RTN1: variants seen among roughly 807,000 people sequenced by gnomAD.
RTN1 encodes the protein reticulon 1, also known as reticulon-1.
In RTN1, 25 loss-of-function variants were observed where a neutral mutation model predicts 65.5. The ratio of observed to expected loss-of-function variants is 0.38; its 90% confidence interval spans 0.28 to 0.53. RTN1 has a LOEUF of 0.53. Ranked by LOEUF, RTN1 falls within the 20% of genes least tolerant of loss-of-function variation. RTN1 has a pLI of 0.79. For synonymous variants in RTN1, 471 were observed against 447.6 expected (o/e 1.05, Z -0.66); for missense variants, 983 against 1,025.4 (o/e 0.96, Z 0.57).
chr14:59,633,231 G>A (rs1882593415), intron 3 of RTN1, among the ~76,000 whole-genome samples: 1 of 152,252 alleles, frequency 6.6e-6, no homozygotes, highest in African/African-American at 2.4e-5. Flanking sequence ...GGTTGAGGAA[G>A]TAAGATGGCT....
At chr14:59,669,004 G>T (rs1883441916) in intron 3 of RTN1, among the ~76,000 whole-genome samples, 1 of 152,172 alleles carries the variant, frequency 6.6e-6, no homozygotes, top group African/African-American at 2.4e-5. Flanking sequence ...TACACTCTTG[G>T]TGGGAGTGTA....
intron 1 of RTN1, among the ~76,000 whole-genome samples, chr14:59,823,275 C>T (rs188878899): frequency 0.012 from 1,842 of 148,652 alleles, 34 homozygotes; most frequent in African/African-American, 0.042. Flanking sequence ...TCCTTGTCCC[C>T]TTTTTTTTTT....
intron 1 of RTN1, among the ~76,000 whole-genome samples, chr14:59,839,216 C>T (rs1887267474): frequency 6.6e-6 from 1 of 151,974 alleles, no homozygotes; most frequent in Non-Finnish European, 1.5e-5. Flanking sequence ...TTTTCATGTT[C>T]CTAACAAATA....
chr14:59,743,744 T>C (rs1313128516), intron 2 of RTN1, among the ~76,000 whole-genome samples: 1 of 151,956 alleles, frequency 6.6e-6, no homozygotes, highest in African/African-American at 2.4e-5. Context: ...CCTGTTCCTC[T>C]GAGAGTCACC....
rs1887014303 is a variant in RTN1, at chr14:59,825,441, C to T, written c.241+44949G>A. Among the ~76,000 whole-genome samples, 1 of 152,204 alleles carries T rather than the reference C, an allele frequency of 6.6e-6. No individual in the cohort carries two copies. The highest frequency in any genetic ancestry group is 6.5e-5 in the Admixed American group (1 of 15,282). On this transcript the variant is annotated intron_variant, in intron 1 of 8. Coordinates refer to ENST00000267484, the MANE Select transcript of RTN1 (RefSeq NM_021136.3). The surrounding 1 kb of genome is among the most constrained non-coding windows in gnomAD (Gnocchi z 4.2). ...AAATGCTCTGATTCAGGGAAAGTTG[C>T]TATAAAATAGTTTTAAAAATAGTTA...
chr14:59,640,023 G>A (rs925060815), intron 3 of RTN1, among the ~76,000 whole-genome samples: 1 of 152,064 alleles, frequency 6.6e-6, no homozygotes, highest in Non-Finnish European at 1.5e-5. Context: ...TCTTGTGATA[G>A]CTTAGATTTT....
At chr14:59,754,909 C>A (rs997238076) in intron 1 of RTN1, among the ~76,000 whole-genome samples, 5 of 152,082 alleles carry the variant, frequency 3.3e-5, no homozygotes, top group Admixed American at 2.0e-4. Context: ...GAGCAGGTGG[C>A]GGTTCATTAC....
At chr14:59,786,136 A>G (rs1205530975) in intron 1 of RTN1, among the ~76,000 whole-genome samples, 3 of 152,228 alleles carry the variant, frequency 2.0e-5, no homozygotes, top group Admixed American at 1.3e-4. Context: ...GGCAGCATAG[A>G]GTAGAAGGAG....
At chr14:59,862,013 C>T (rs545100448) in intron 1 of RTN1, among the ~76,000 whole-genome samples, 75 of 152,246 alleles carry the variant, frequency 4.9e-4, no homozygotes, top group African/African-American at 1.5e-3. Flanking sequence ...CTGAGACTTT[C>T]TATTAATACT....
At chr14:59,826,687 T>C (rs1244428002) in intron 1 of RTN1, among the ~76,000 whole-genome samples, 1 of 152,094 alleles carries the variant, frequency 6.6e-6, no homozygotes, top group Admixed American at 6.5e-5. Context: ...ATGAAGAAAA[T>C]ATAGTGTTTC....
In RTN1 at chr14:59,803,011, A is replaced by G. The variant is rs1425093399; in HGVS notation, c.242-56530T>C. 6.6e-6 allele frequency among the ~76,000 whole-genome samples: 1 copy of G among 151,940 alleles called. No individual in the cohort carries two copies. The highest frequency in any genetic ancestry group is 1.5e-5 in the Non-Finnish European group (1 of 67,960). On this transcript the variant is annotated intron_variant, in intron 1 of 8. Coordinates refer to ENST00000267484, the MANE Select transcript of RTN1 (RefSeq NM_021136.3). The surrounding 1 kb of genome is among the most constrained non-coding windows in gnomAD (Gnocchi z 5.6). ...GCTTTCACTGAAAAAAAAAAACCCT[A>G]CACAACAATCCACCATCCTCTTGGT... is the stretch of plus-strand genomic sequence containing the variant.
intron 3 of RTN1, among the ~76,000 whole-genome samples, chr14:59,616,860 T>C (rs575042026): frequency 6.6e-6 from 1 of 152,340 alleles, no homozygotes; most frequent in East Asian, 1.9e-4. Context: ...GCTAATGTGT[T>C]AAACATTGCT....
intron 3 of RTN1, among the ~76,000 whole-genome samples, chr14:59,615,158 C>T (rs1184817452): frequency 6.6e-6 from 1 of 152,054 alleles, no homozygotes; most frequent in Non-Finnish European, 1.5e-5. Context: ...TAGGTTAAAA[C>T]ATTAAAAGCG....
At chr14:59,827,235 C>T (rs867097157) in intron 1 of RTN1, among the ~76,000 whole-genome samples, 3 of 152,124 alleles carry the variant, frequency 2.0e-5, no homozygotes, top group Non-Finnish European at 4.4e-5. Context: ...CCCGCCACCA[C>T]GCCTGGCTAA....
intron 2 of RTN1, among the ~76,000 whole-genome samples, chr14:59,732,173 A>T (rs979604220): frequency 6.6e-6 from 1 of 152,256 alleles, no homozygotes; most frequent in African/African-American, 2.4e-5. Flanking sequence ...TGCTCAAAGA[A>T]GGACAAAGTC....
intron 1 of RTN1, among the ~76,000 whole-genome samples, chr14:59,800,196 C>T (rs1886514439): frequency 6.6e-6 from 1 of 152,068 alleles, no homozygotes. Context: ...GCCTGTGAGG[C>T]AATGAAGGTA....
chr14:59,689,540 T>C (rs1235699470), intron 3 of RTN1, among the ~76,000 whole-genome samples: 1 of 151,830 alleles, frequency 6.6e-6, no homozygotes, highest in Non-Finnish European at 1.5e-5. Context: ...AAAGAAAAAA[T>C]CTTAAAGCCA....
chr14:59,772,679 G>A (rs1885981274), intron 1 of RTN1, among the ~76,000 whole-genome samples: 1 of 152,098 alleles, frequency 6.6e-6, no homozygotes. Flanking sequence ...AGCCTGGGCT[G>A]TAGAAAACAC....
chr14:59,839,334 C>A (rs1255346860), intron 1 of RTN1, among the ~76,000 whole-genome samples: 1 of 152,168 alleles, frequency 6.6e-6, no homozygotes, highest in East Asian at 1.9e-4. Flanking sequence ...TTAAAACACT[C>A]ATTAGCCTGT....
Sources: allele counts gnomAD v4.1 joint callset (sites outside exome capture counted in the v4.1 genomes callset), GRCh38; gene constraint gnomAD v4.1.1; non-coding constraint Gnocchi (gnomAD v3.1); transcripts MANE v1.5; gene names NCBI Gene and HGNC (gene_info 2026-07-23, HGNC 2026-07-21).